ANO3: variants seen among roughly 807,000 people sequenced by gnomAD.
ANO3 encodes the protein anoctamin 3, also known as anoctamin-3.
In ANO3, 99 loss-of-function variants were observed where a neutral mutation model predicts 144.8. The ratio of observed to expected loss-of-function variants is 0.68; its 90% CI spans 0.58 to 0.81. The LOEUF (loss-of-function observed/expected upper bound fraction) is 0.81. ANO3 is among the 30% of genes least tolerant of loss of function. The pLI is 0.00. For missense variants in ANO3, 905 were observed against 1,202.2 expected (o/e 0.75, Z 3.66); for synonymous variants, 414 against 392.6 (o/e 1.05, Z -0.64).
chr11:26,234,184 T>C (rs904749785), intron 1 of ANO3, among the ~76,000 whole-genome samples: 32 of 152,248 alleles, frequency 2.1e-4, no homozygotes, highest in African/African-American at 7.7e-4. Context: ...AGTTTGTTAA[T>C]AGTTTGGTAA....
intron 1 of ANO3, among the ~76,000 whole-genome samples, chr11:26,217,625 A>G (rs1432917640): frequency 6.6e-6 from 1 of 152,052 alleles, no homozygotes; most frequent in Non-Finnish European, 1.5e-5. Context: ...GGGGTGATGT[A>G]AAGTCAAATT....
At chr11:26,416,359 T>C (rs1857585877) in intron 1 of ANO3, among the ~76,000 whole-genome samples, 3 of 152,094 alleles carry the variant, frequency 2.0e-5, no homozygotes, top group Admixed American at 1.3e-4. Context: ...GAGAAAGATA[T>C]GCAGAGAAGA....
intron 1 of ANO3, among the ~76,000 whole-genome samples, chr11:26,261,897 C>T (rs1198438700): frequency 1.3e-5 from 2 of 151,912 alleles, no homozygotes; most frequent in African/African-American, 4.8e-5. Flanking sequence ...ACAATATGCA[C>T]CATATGCTTT....
At chr11:26,418,282 C>T (rs1014024850) in intron 1 of ANO3, among the ~76,000 whole-genome samples, 1 of 152,074 alleles carries the variant, frequency 6.6e-6, no homozygotes, top group Non-Finnish European at 1.5e-5. Context: ...TTCTACACAT[C>T]AACAAAATTG....
intron 1 of ANO3, among the ~76,000 whole-genome samples, chr11:26,255,900 C>T (rs1853045930): frequency 6.6e-6 from 1 of 152,100 alleles, no homozygotes; most frequent in African/African-American, 2.4e-5. Flanking sequence ...TGTTTAACAA[C>T]CCAGAGACTT....
At chr11:26,391,818 A>G (rs1433903253) in intron 1 of ANO3, among the ~76,000 whole-genome samples, 1 of 152,086 alleles carries the variant, frequency 6.6e-6, no homozygotes, top group African/African-American at 2.4e-5. Flanking sequence ...CCCAATGGAA[A>G]CACTCATACA....
chr11:26,399,652 T>C (rs528819907), intron 1 of ANO3, among the ~76,000 whole-genome samples: 2 of 152,126 alleles, frequency 1.3e-5, no homozygotes, highest in East Asian at 3.9e-4. Context: ...AGAATGTTGG[T>C]TCACTTTTTC....
intron 14 of ANO3, among the ~76,000 whole-genome samples, chr11:26,585,352 C>T (rs293993): frequency 0.87 from 132,961 of 152,134 alleles, 58,431 homozygotes; most frequent in East Asian, 0.96. Context: ...AAGCCTTCCC[C>T]ATACCTATAT....
chr11:26,651,101 G>GT (rs1853517699), intron 24 of ANO3, among the ~76,000 whole-genome samples: 1 of 152,074 alleles, frequency 6.6e-6, no homozygotes, highest in Non-Finnish European at 1.5e-5. Flanking sequence ...ACAATTGTGA[G>GT]TTTTTTCATG....
intron 17 of ANO3, among the ~76,000 whole-genome samples, chr11:26,614,524 G>C (rs377463210): frequency 1.3e-5 from 2 of 152,122 alleles, no homozygotes; most frequent in East Asian, 3.9e-4. Flanking sequence ...AAATAGTATA[G>C]AGCCATAGCA....
At chr11:26,235,216 G>A (rs1852493574) in intron 1 of ANO3, among the ~76,000 whole-genome samples, 1 of 152,148 alleles carries the variant, frequency 6.6e-6, no homozygotes, top group African/African-American at 2.4e-5. Context: ...CCAGGTATCT[G>A]AGTATCCCAT....
intron 1 of ANO3, among the ~76,000 whole-genome samples, chr11:26,215,772 G>C (rs1852023899): frequency 1.3e-5 from 2 of 151,910 alleles, no homozygotes; most frequent in South Asian, 4.1e-4. Flanking sequence ...CTAAATGTGA[G>C]TTAATACTGA....
rs553753716 is a variant in ANO3 at position 26,543,449 on chromosome 11, C to T, written c.1154+1381C>T. 4.1e-5 allele frequency among the ~76,000 whole-genome samples: 5 copies of T among 120,552 alleles called. 1 individual carries two copies. Among genetic ancestry groups the T allele is most frequent in the African/African-American group, 8.8e-5 (3 of 34,094 alleles). The allele number at this position is 120,552 out of a possible 152,430, so 79.1% of individuals were successfully genotyped here. A position where few individuals can be genotyped will look rare whatever the true frequency, so the allele number is the denominator to read the frequency against. On this transcript the variant is annotated intron_variant, in intron 11 of 26. Coordinates refer to ENST00000256737, the MANE Select transcript of ANO3 (RefSeq NM_031418.4). ...CAGAGGGTAAACATCCACCACCAAACGCTTTTAATTTCTTTTTTTTTAATT... is the reference window on the plus strand; with the variant it reads ...CAGAGGGTAAACATCCACCACCAAATGCTTTTAATTTCTTTTTTTTTAATT...
chr11:26,603,103 C>T (rs1240201045), intron 17 of ANO3, among the ~76,000 whole-genome samples: 3 of 151,904 alleles, frequency 2.0e-5, no homozygotes, highest in East Asian at 1.9e-4. Context: ...CAAATTAATC[C>T]AGCATTTAGA....
chr11:26,591,923 G>C (rs1319267254), intron 14 of ANO3, among the ~76,000 whole-genome samples: 1 of 152,174 alleles, frequency 6.6e-6, no homozygotes, highest in Non-Finnish European at 1.5e-5. Flanking sequence ...GGTTGGGGTA[G>C]ATAAAATGAC....
At chr11:26,450,761 A>T (rs777203214) in intron 3 of ANO3, among the ~76,000 whole-genome samples, 1 of 152,204 alleles carries the variant, frequency 6.6e-6, no homozygotes, top group Non-Finnish European at 1.5e-5. Context: ...TTTGTCAGAG[A>T]TCTACTCACA....
Position 26,442,121 on chromosome 11 carries a change from C to A in ANO3, c.241+9C>A. On this transcript the variant is annotated intron_variant, in intron 2 of 26. Transcript: ENST00000256737. ...TGACAAAGCAGAGCAAGGTGAGCAGCAATTCCTATTTTCTTGTTCAATTTA... is the reference window on the plus strand; with the variant it reads ...TGACAAAGCAGAGCAAGGTGAGCAGAAATTCCTATTTTCTTGTTCAATTTA... The A allele has an allele frequency of 6.2e-7, 1 of 1,604,696 alleles. No homozygotes were observed. The highest frequency in any genetic ancestry group is 8.5e-7 in the Non-Finnish European group (1 of 1,177,210).
intron 4 of ANO3, among the ~76,000 whole-genome samples, chr11:26,474,757 A>G (rs1165380232): frequency 2.0e-5 from 3 of 151,888 alleles, no homozygotes; most frequent in African/African-American, 7.2e-5. Context: ...TTCCATTTCT[A>G]CATCTATGTT....
At chr11:26,590,895 T>C (rs1036060456) in intron 14 of ANO3, among the ~76,000 whole-genome samples, 1 of 151,816 alleles carries the variant, frequency 6.6e-6, no homozygotes, top group Non-Finnish European at 1.5e-5. Flanking sequence ...CAAGATTTAG[T>C]AGAGTGAAAA....
Sources: gnomAD v4.1 joint callset for allele counts (sites outside exome capture counted in the v4.1 genomes callset) on GRCh38, gnomAD v4.1.1 for gene constraint, MANE v1.5 for transcripts, NCBI Gene and HGNC (gene_info 2026-07-23, HGNC 2026-07-21) for gene names.